KALRN: variants seen among roughly 807,000 people sequenced by gnomAD.
KALRN encodes the protein kalirin RhoGEF kinase.
A neutral mutation model predicts 353.7 loss-of-function variants in KALRN; 70 were observed. That is an observed-to-expected ratio of 0.20 (90% CI 0.16 to 0.24). The LOEUF is 0.24. Ranked by LOEUF, KALRN falls within the 10% of genes least tolerant of loss-of-function variation. The pLI, the probability that KALRN is intolerant of heterozygous loss-of-function variation, is 1.00. For synonymous variants in KALRN, 1,391 were observed against 1,434.8 expected, an observed-to-expected ratio of 0.97 and a Z score of 0.69; for missense variants, 2,791 against 3,756.7, an observed-to-expected ratio of 0.74 and a Z score of 6.72.
chr3:124,090,071 G>C (rs1336920778), intron 1 of KALRN, among the ~76,000 whole-genome samples: 1 of 152,156 alleles, frequency 6.6e-6, no homozygotes, highest in Middle Eastern at 3.2e-3. Context: ...GCTTTATAAG[G>C]TCCTGAAGGA....
chr3:124,687,869 C>G (rs894007439), intron 51 of KALRN, among the ~76,000 whole-genome samples: 1 of 147,690 alleles, frequency 6.8e-6, no homozygotes, highest in Non-Finnish European at 1.5e-5. Flanking sequence ...AGAAAAAAAT[C>G]ATAGTTGAAG....
chr3:124,626,084 GA>G (rs201515705), intron 34 of KALRN, among the ~76,000 whole-genome samples: 4,031 of 146,574 alleles, frequency 0.028, 88 homozygotes, highest in East Asian at 0.092. Flanking sequence ...CTGTCTCAAA[GA>G]AAAAAAAAAT....
chr3:124,473,916 A>G (rs1471355885), intron 25 of KALRN, among the ~76,000 whole-genome samples: 1 of 152,190 alleles, frequency 6.6e-6, no homozygotes, highest in Admixed American at 6.5e-5. Context: ...TTTGTTTTTT[A>G]CAGCAAATAC....
intron 34 of KALRN, among the ~76,000 whole-genome samples, chr3:124,568,946 G>T (rs1183689034): frequency 1.3e-5 from 2 of 152,184 alleles, no homozygotes. Context: ...TGGACTTAAT[G>T]CCACTGAACT....
intron 33 of KALRN, among the ~76,000 whole-genome samples, chr3:124,545,151 A>G (rs1300253361): frequency 2.0e-5 from 3 of 152,348 alleles, no homozygotes; most frequent in South Asian, 2.1e-4. Context: ...CACAATTCCT[A>G]TATTACCTAA....
intron 34 of KALRN, among the ~76,000 whole-genome samples, chr3:124,622,829 C>T (rs2079429977): frequency 1.3e-5 from 2 of 152,138 alleles, no homozygotes; most frequent in Admixed American, 6.5e-5. Context: ...ATAAAGTATT[C>T]GCCAGAGCCT....
intron 34 of KALRN, among the ~76,000 whole-genome samples, chr3:124,625,854 C>A (rs1211826438): frequency 6.6e-6 from 1 of 152,068 alleles, no homozygotes; most frequent in Non-Finnish European, 1.5e-5. Flanking sequence ...GCTGAGGTGG[C>A]CAGATCACCT....
chr3:124,274,686 C>T (rs1190485494), intron 5 of KALRN, among the ~76,000 whole-genome samples: 1 of 152,170 alleles, frequency 6.6e-6, no homozygotes, highest in Non-Finnish European at 1.5e-5. Context: ...ATATCCTTAT[C>T]ACCCTGCTTG....
chr3:124,674,044 T>C (rs73195566), intron 48 of KALRN, among the ~76,000 whole-genome samples: 4,233 of 152,226 alleles, frequency 0.028, 81 homozygotes, highest in East Asian at 0.078. Flanking sequence ...CAGTGCCAGG[T>C]TCTTCCTTTC....
chr3:124,151,692 G>A (rs1257283580), intron 1 of KALRN, among the ~76,000 whole-genome samples: 4 of 152,062 alleles, frequency 2.6e-5, no homozygotes, highest in Non-Finnish European at 5.9e-5. Flanking sequence ...ATGAACATAT[G>A]TTATTAACTT....
At chr3:124,387,212 A>G (rs1421082225) in intron 11 of KALRN, among the ~76,000 whole-genome samples, 1 of 152,192 alleles carries the variant, frequency 6.6e-6, no homozygotes, top group Non-Finnish European at 1.5e-5. Context: ...GTTTTCCCGG[A>G]TATCTCTCAA....
chr3:124,176,364 G>A (rs2150157525), intron 1 of KALRN, among the ~76,000 whole-genome samples: 1 of 152,288 alleles, frequency 6.6e-6, no homozygotes, highest in South Asian at 2.1e-4. Flanking sequence ...TTACCCACAT[G>A]GTGATACGTT....
chr3:124,483,183 G>T (rs911508940), intron 28 of KALRN, among the ~76,000 whole-genome samples: 2 of 152,230 alleles, frequency 1.3e-5, no homozygotes, highest in Non-Finnish European at 2.9e-5. Flanking sequence ...GCACTGACTG[G>T]CTCCTAGAGG....
At chr3:124,388,228 C>T (rs1250330627) in intron 11 of KALRN, among the ~76,000 whole-genome samples, 1 of 151,778 alleles carries the variant, frequency 6.6e-6, no homozygotes, top group African/African-American at 2.4e-5. Context: ...ATTTTTTTTC[C>T]TAGTAGGAAA....
chr3:124,557,085 C>T (rs1371007473), intron 33 of KALRN, among the ~76,000 whole-genome samples: 1 of 152,054 alleles, frequency 6.6e-6, no homozygotes, highest in Non-Finnish European at 1.5e-5. Context: ...GTAATTTCAA[C>T]TTCCATGTTA....
intron 58 of KALRN, 73 bp from the exon 59 acceptor site, chr3:124,717,174 A>AT: frequency 7.1e-7 from 1 of 1,402,958 alleles, no homozygotes; most frequent in Non-Finnish European, 9.6e-7. Context: ...GATCTTACTG[A>AT]TTTGTACATG....
intron 6 of KALRN, among the ~76,000 whole-genome samples, chr3:124,305,320 A>G (rs1283856619): frequency 6.6e-6 from 1 of 152,200 alleles, no homozygotes; most frequent in Non-Finnish European, 1.5e-5. Flanking sequence ...GCAGCATTTC[A>G]GGCAGGTTAG....
chr3:124,515,882 C>A lies in KALRN; in HGVS notation c.4935+19469C>A, dbSNP rs531264433. Among the ~76,000 whole-genome samples, 4 of 152,196 alleles carry A rather than the reference C, an allele frequency of 2.6e-5. No homozygotes were observed. The South Asian group carries it at 8.3e-4, about 32-fold the overall frequency. ...TAGTTTAACCACTCTTTTAAGGTAC[C>A]AAGTGGGCTATATAAAATAATGGCT... On this transcript the variant is annotated intron_variant, in intron 33 of 59. Transcript: ENST00000682506.
At chr3:124,422,226 C>CT (rs1419473151) in intron 14 of KALRN, among the ~76,000 whole-genome samples, 7 of 152,176 alleles carry the variant, frequency 4.6e-5, no homozygotes, top group African/African-American at 1.4e-4. Flanking sequence ...CTAACAGTGC[C>CT]TTTTTTTAGA....
Sources: allele counts gnomAD v4.1 joint callset (sites outside exome capture counted in the v4.1 genomes callset), GRCh38; gene constraint gnomAD v4.1.1; transcripts MANE v1.5; gene names NCBI Gene and HGNC (gene_info 2026-07-23, HGNC 2026-07-21).